ACKR3: variants seen among roughly 807,000 people sequenced by gnomAD.
ACKR3 encodes atypical chemokine receptor 3.
ACKR3 carries 6 observed loss-of-function variants against 22.4 expected under a neutral mutation model. The ratio of observed to expected loss-of-function variants is 0.27; its 90% CI spans 0.15 to 0.53. The LOEUF is 0.53. Ranked by LOEUF, ACKR3 falls within the 20% of genes least tolerant of loss-of-function variation. The pLI, the probability that ACKR3 is intolerant of heterozygous loss-of-function variation, is 0.96. For synonymous variants in ACKR3, 209 were observed against 205.2 expected (o/e 1.02, Z -0.16); for missense variants, 396 against 475.2 (o/e 0.83, Z 1.55).
chr2:236,575,840 C>T (rs758353741), intron 1 of ACKR3, among the ~76,000 whole-genome samples: 2 of 152,320 alleles, frequency 1.3e-5, no homozygotes, highest in African/African-American at 4.8e-5. Flanking sequence ...AAGACATTTA[C>T]GTTGTCTCCA....
the ACKR3 span, among the ~76,000 whole-genome samples, chr2:236,546,501 G>A: frequency 1.3e-5 from 2 of 152,168 alleles, no homozygotes; most frequent in African/African-American, 4.8e-5. This position sits in a 1 kb window ranked among gnomAD's most constrained non-coding sequence, Gnocchi z 4.9. Context: ...AAATTTACAG[G>A]TATCAGAGTG....
the ACKR3 span, among the ~76,000 whole-genome samples, chr2:236,537,926 T>G: frequency 6.8e-6 from 1 of 147,716 alleles, no homozygotes; most frequent in African/African-American, 2.6e-5. Context: ...AGGCAATCAG[T>G]TCTGCAGATT....
chr2:236,543,341 G>A, the ACKR3 span, among the ~76,000 whole-genome samples: 1 of 152,126 alleles, frequency 6.6e-6, no homozygotes, highest in Non-Finnish European at 1.5e-5. Flanking sequence ...TATAAAAGTG[G>A]AATCATTTTG....
the ACKR3 span, among the ~76,000 whole-genome samples, chr2:236,555,970 C>T: frequency 6.6e-6 from 1 of 152,280 alleles, no homozygotes; most frequent in East Asian, 1.9e-4. Context: ...CTTGCTCCTC[C>T]CCATGTCTTC....
intron 1 of ACKR3, among the ~76,000 whole-genome samples, chr2:236,573,684 G>T (rs1691353790): frequency 6.6e-6 from 1 of 152,196 alleles, no homozygotes. Context: ...CACTGTAGAG[G>T]AGTGATGTGT....
At chr2:236,563,827 A>G (rs920867530), upstream of ACKR3, among the ~76,000 whole-genome samples, 4 of 152,290 alleles carry the variant, frequency 2.6e-5, no homozygotes, top group South Asian at 6.2e-4. Context: ...GACTGTCTGT[A>G]GGTGGGTTAC....
Position 236,580,465 on chromosome 2 carries a change from G to A in ACKR3, c.-1G>A, listed in dbSNP as rs982161616. On this transcript the variant is annotated 5_prime_UTR_variant, in exon 2 of 2. Transcript: ENST00000272928. The stretch of plus-strand genomic sequence containing the variant: ...GTCATTTGATTGCCCGCCTCAGAAC[G>A]ATGGATCTGCATCTCTTCGACTACT... The A allele has an allele frequency of 5.0e-6, 8 of 1,605,686 alleles. No individual in the cohort carries two copies. Among genetic ancestry groups the A allele is most frequent in the East Asian group, 4.5e-5 (2 of 44,634 alleles).
At chr2:236,557,527 G>C in the ACKR3 span, among the ~76,000 whole-genome samples, 1 of 152,156 alleles carries the variant, frequency 6.6e-6, no homozygotes, top group African/African-American at 2.4e-5. Flanking sequence ...GGACATAGAG[G>C]CTAGCCCCCA....
chr2:236,560,315 CCTT>C, the ACKR3 span, among the ~76,000 whole-genome samples: 1 of 104,266 alleles, frequency 9.6e-6, no homozygotes, highest in Non-Finnish European at 1.7e-5. Flanking sequence ...GCACTTGTTG[CCTT>C]TTTTTTTTTT....
At chr2:236,539,254 G>GTC in the ACKR3 span, among the ~76,000 whole-genome samples, 340 of 143,136 alleles carry the variant, frequency 2.4e-3, 1 homozygote, top group South Asian at 6.5e-3. Context: ...GTGTGTGTGT[G>GTC]TCTCTCTCTC....
chr2:236,545,162 C>T, the ACKR3 span, among the ~76,000 whole-genome samples: 1 of 152,168 alleles, frequency 6.6e-6, no homozygotes. This position sits in a 1 kb window ranked among gnomAD's most constrained non-coding sequence, Gnocchi z 5.3. Flanking sequence ...TCTGTGCCTT[C>T]GTCATCTTTA....
the ACKR3 span, among the ~76,000 whole-genome samples, chr2:236,540,334 A>G: frequency 6.6e-6 from 1 of 150,928 alleles, no homozygotes; most frequent in Non-Finnish European, 1.5e-5. Flanking sequence ...ATGTAAATAA[A>G]TTTTGTGTTC....
the ACKR3 span, among the ~76,000 whole-genome samples, chr2:236,550,534 C>T: frequency 6.6e-6 from 1 of 152,174 alleles, no homozygotes; most frequent in African/African-American, 2.4e-5. The surrounding 1 kb of genome is among the most constrained non-coding windows in gnomAD (Gnocchi z 4.6). Context: ...AGGTGGTCTG[C>T]ACCAAGGGTG....
the ACKR3 span, among the ~76,000 whole-genome samples, chr2:236,542,309 C>T: frequency 0.017 from 2,629 of 152,220 alleles, 84 homozygotes; most frequent in African/African-American, 0.061. Flanking sequence ...AAGCTTTTTT[C>T]CCCCTCAAGG....
upstream of ACKR3, among the ~76,000 whole-genome samples, chr2:236,565,618 TTA>T (rs1466796712): frequency 2.0e-5 from 3 of 152,240 alleles, no homozygotes. Flanking sequence ...CTTCATTTCT[TTA>T]TGAGGGCTCC....
At chr2:236,573,570 A>G (rs1049423648) in intron 1 of ACKR3, among the ~76,000 whole-genome samples, 22 of 152,346 alleles carry the variant, frequency 1.4e-4, no homozygotes, top group Non-Finnish European at 2.8e-4. Flanking sequence ...GCAGAAAGCC[A>G]GTGAAGGAGG....
the ACKR3 span, among the ~76,000 whole-genome samples, chr2:236,543,715 A>G: frequency 6.6e-6 from 1 of 151,892 alleles, no homozygotes; most frequent in Non-Finnish European, 1.5e-5. Flanking sequence ...TGTTTGAACT[A>G]CTACCTTGGA....
At chr2:236,553,788 C>T in the ACKR3 span, among the ~76,000 whole-genome samples, 22 of 152,226 alleles carry the variant, frequency 1.4e-4, no homozygotes, top group South Asian at 1.0e-3. Flanking sequence ...GGTTTGTCAG[C>T]GTCTGCTGCA....
the ACKR3 span, among the ~76,000 whole-genome samples, chr2:236,552,413 A>C: frequency 7.2e-6 from 1 of 138,120 alleles, no homozygotes; most frequent in African/African-American, 3.3e-5. Flanking sequence ...AACTGTCAAC[A>C]GTCCCCCATC....
Sources: gnomAD v4.1 joint callset for allele counts (sites outside exome capture counted in the v4.1 genomes callset) on GRCh38, gnomAD v4.1.1 for gene constraint, Gnocchi (gnomAD v3.1) non-coding constraint, MANE v1.5 for transcripts, NCBI Gene and HGNC (gene_info 2026-07-23, HGNC 2026-07-21) for gene names.